Variants in ADAMTSL3 observed in about 807,000 individuals in gnomAD.
The protein encoded by ADAMTSL3 is ADAMTS-like protein 3.
A neutral mutation model predicts 201.7 loss-of-function variants in ADAMTSL3; 128 were observed. The observed-to-expected ratio is 0.63, with a 90% CI of 0.55 to 0.73. ADAMTSL3 has a LOEUF of 0.73. Ranked by LOEUF, ADAMTSL3 falls within the 30% of genes least tolerant of loss-of-function variation. The pLI is 0.00. For missense variants in ADAMTSL3, 1,990 were observed against 2,119.6 expected (o/e 0.94, Z 1.20); for synonymous variants, 738 against 748.4 (o/e 0.99, Z 0.23).
intron 21 of ADAMTSL3, among the ~76,000 whole-genome samples, chr15:83,984,820 TTTCCA>T (rs1422991714): frequency 2.0e-5 from 3 of 152,358 alleles, no homozygotes; most frequent in Non-Finnish European, 4.4e-5. Context: ...CTGGATTCTT[TTTCCA>T]CATCTGTTGT....
At chr15:83,988,980 C>T (rs1047014271) in intron 22 of ADAMTSL3, among the ~76,000 whole-genome samples, 162 bp downstream of exon 22, 13 of 151,560 alleles carry the variant, frequency 8.6e-5, no homozygotes, top group Admixed American at 3.3e-4. Context: ...CTCCCGGGTT[C>T]ACGCCATTCT....
Position 83,759,529 on chromosome 15 carries a change from G to A in ADAMTSL3, c.190-13994G>A, listed in dbSNP as rs370870274. ...CGTGAGCCACTGGGCCTGGCCAGCA[G>A]TATTTTTTTAAATCAATGTTTTGAC... On this transcript the variant is annotated intron_variant, in intron 3 of 29. Transcript: ENST00000286744. Among the ~76,000 whole-genome samples the A allele has an allele frequency of 2.4e-4, 37 of 152,256 alleles. No individual in the cohort carries two copies. In the East Asian group the frequency reaches 4.5e-3, roughly 18 times the overall value.
At chr15:83,833,001 G>C (rs1237203244) in intron 6 of ADAMTSL3, among the ~76,000 whole-genome samples, 1 of 152,118 alleles carries the variant, frequency 6.6e-6, no homozygotes, top group Non-Finnish European at 1.5e-5. Flanking sequence ...TTAGAATTTA[G>C]AATAAAAATA....
intron 3 of ADAMTSL3, among the ~76,000 whole-genome samples, chr15:83,758,048 C>G (rs2062748882): frequency 6.6e-6 from 1 of 152,170 alleles, no homozygotes; most frequent in South Asian, 2.1e-4. Flanking sequence ...ACTTTCCTGT[C>G]TTCTTCTGAG....
intron 4 of ADAMTSL3, among the ~76,000 whole-genome samples, chr15:83,793,344 A>G (rs752288625): frequency 4.3e-4 from 66 of 152,234 alleles, no homozygotes; most frequent in Non-Finnish European, 8.7e-4. Context: ...TATCACCACA[A>G]AAATAACTGT....
intron 3 of ADAMTSL3, among the ~76,000 whole-genome samples, chr15:83,758,859 C>A (rs2062763396): frequency 6.6e-6 from 1 of 152,074 alleles, no homozygotes; most frequent in South Asian, 2.1e-4. Context: ...CTGTGGATTA[C>A]CTTTTCACTC....
intron 5 of ADAMTSL3, 108 bp downstream of exon 5, chr15:83,804,803 G>GAA: frequency 1.3e-6 from 1 of 752,758 alleles, no homozygotes; most frequent in Middle Eastern, 3.4e-4. Context: ...ACCCTTTGTG[G>GAA]AAAACTTAAG....
At chr15:83,897,832 G>C in intron 13 of ADAMTSL3, 26 bp from the exon 14 acceptor site, 1 of 1,556,124 alleles carries the variant, frequency 6.4e-7, no homozygotes, top group Non-Finnish European at 8.7e-7. Context: ...AAAGAAATGC[G>C]TTGGCTTCTC....
chr15:83,689,458 G>A (rs1057112601), intron 2 of ADAMTSL3, among the ~76,000 whole-genome samples: 1 of 151,944 alleles, frequency 6.6e-6, no homozygotes, highest in African/African-American at 2.4e-5. Flanking sequence ...ATCATTTTTT[G>A]CTGTCACTGT....
intron 6 of ADAMTSL3, among the ~76,000 whole-genome samples, chr15:83,830,046 G>A (rs1176655168): frequency 1.3e-5 from 2 of 152,150 alleles, no homozygotes; most frequent in African/African-American, 2.4e-5. Flanking sequence ...ACGGCTGAAT[G>A]TTTGGTTGGA....
At chr15:83,701,468 C>T (rs1242947933) in intron 2 of ADAMTSL3, among the ~76,000 whole-genome samples, 1 of 152,158 alleles carries the variant, frequency 6.6e-6, no homozygotes, top group Non-Finnish European at 1.5e-5. Flanking sequence ...ATTCAGATGC[C>T]AGGTAATATG....
chr15:83,842,468 C>G (rs1033512953), intron 7 of ADAMTSL3, among the ~76,000 whole-genome samples: 4 of 152,110 alleles, frequency 2.6e-5, no homozygotes, highest in African/African-American at 9.6e-5. Flanking sequence ...TGCATGCTCC[C>G]CCTAGGGGCT....
At chr15:83,822,749 G>A (rs1222395164) in intron 6 of ADAMTSL3, among the ~76,000 whole-genome samples, 159 of 151,306 alleles carry the variant, frequency 1.1e-3, no homozygotes, top group Non-Finnish European at 1.7e-3. Flanking sequence ...CGTCCCAGAC[G>A]ATGGGCGGCC....
intron 17 of ADAMTSL3, among the ~76,000 whole-genome samples, chr15:83,941,227 T>C (rs1262069785): frequency 6.6e-6 from 1 of 151,944 alleles, no homozygotes; most frequent in African/African-American, 2.4e-5. Flanking sequence ...TCCTATTATA[T>C]CTGCATTAAA....
At chr15:84,030,808 A>G (rs1013034018) in intron 27 of ADAMTSL3, among the ~76,000 whole-genome samples, 2 of 152,158 alleles carry the variant, frequency 1.3e-5, no homozygotes, top group African/African-American at 4.8e-5. Flanking sequence ...CCCACATGTC[A>G]AGGGAGAGAC....
At chr15:83,776,261 A>G (rs1052960568) in intron 4 of ADAMTSL3, among the ~76,000 whole-genome samples, 1 of 152,218 alleles carries the variant, frequency 6.6e-6, no homozygotes, top group African/African-American at 2.4e-5. Flanking sequence ...TGAAATCCTC[A>G]GAAGTTCTTC....
chr15:83,835,233 CAA>C (rs58071247), intron 6 of ADAMTSL3, among the ~76,000 whole-genome samples: 11 of 112,312 alleles, frequency 9.8e-5, no homozygotes, highest in Non-Finnish European at 1.1e-4. Flanking sequence ...GACTCTGTCT[CAA>C]AAAAAAAAAA....
At chr15:83,808,188 A>G (rs542241096) in intron 5 of ADAMTSL3, among the ~76,000 whole-genome samples, 1 of 152,348 alleles carries the variant, frequency 6.6e-6, no homozygotes, top group Non-Finnish European at 1.5e-5. Context: ...AAGAGTAAAG[A>G]GATAACCTGA....
intron 3 of ADAMTSL3, among the ~76,000 whole-genome samples, chr15:83,708,308 G>A (rs2061881650): frequency 1.3e-5 from 2 of 152,060 alleles, no homozygotes; most frequent in Admixed American, 6.5e-5. Context: ...TTGCTGTCTT[G>A]GATGAACCTC....
Sources: allele counts gnomAD v4.1 joint callset (sites outside exome capture counted in the v4.1 genomes callset), GRCh38; gene constraint gnomAD v4.1.1; transcripts MANE v1.5; gene names NCBI Gene and HGNC (gene_info 2026-07-23, HGNC 2026-07-21).